The following PCDH15 variants were observed in gnomAD, a reference collection of about 807,000 sequenced individuals.
The protein encoded by PCDH15 is protocadherin related 15.
A neutral mutation model predicts 178.5 loss-of-function variants in PCDH15; 129 were observed. The ratio of observed to expected loss-of-function variants is 0.72; its 90% CI spans 0.63 to 0.84. The LOEUF (loss-of-function observed/expected upper bound fraction) is 0.84. Ranked by LOEUF, PCDH15 falls within the 40% of genes least tolerant of loss-of-function variation. The pLI is 0.00. For synonymous variants in PCDH15, 800 were observed against 732.0 expected (o/e 1.09, Z -1.50); for missense variants, 2,230 against 2,099.9 (o/e 1.06, Z -1.21).
chr10:55,619,059 A>T (rs1460704700), intron 2 of PCDH15, among the ~76,000 whole-genome samples: 1 of 152,048 alleles, frequency 6.6e-6, no homozygotes, highest in Non-Finnish European at 1.5e-5. Flanking sequence ...CTGTACTGTG[A>T]AGGTGAAACT....
At chr10:54,069,681 ATTAG>A (rs558462750) in intron 17 of PCDH15, among the ~76,000 whole-genome samples, 60 of 152,278 alleles carry the variant, frequency 3.9e-4, no homozygotes, top group South Asian at 1.2e-3. Flanking sequence ...ATATTTATAA[ATTAG>A]TTAGGTGTAA....
chr10:55,352,916 T>A (rs1844976989), intron 2 of PCDH15, among the ~76,000 whole-genome samples: 1 of 152,070 alleles, frequency 6.6e-6, no homozygotes, highest in Non-Finnish European at 1.5e-5. Flanking sequence ...AACCATTACA[T>A]CTGAAAGTAT....
At chr10:54,132,771 A>C in intron 15 of PCDH15, 104 bp downstream of exon 15, 1 of 1,522,262 alleles carries the variant, frequency 6.6e-7, no homozygotes, top group Non-Finnish European at 8.9e-7. Flanking sequence ...GGAGGCAAGC[A>C]TGTGAGGTTT....
At chr10:54,181,245 T>G (rs189184118) in intron 13 of PCDH15, among the ~76,000 whole-genome samples, 1 of 152,314 alleles carries the variant, frequency 6.6e-6, no homozygotes, top group African/African-American at 2.4e-5. Flanking sequence ...GTCCATCAAT[T>G]GACTGGAACT....
At chr10:54,586,943 G>C (rs4007216) in intron 2 of PCDH15, among the ~76,000 whole-genome samples, 142,926 of 152,250 alleles carry the variant, frequency 0.94, 67,314 homozygotes, top group Middle Eastern at 0.98. Context: ...CTGTTATTTC[G>C]CAAACACAGA....
chr10:54,492,924 G>A (rs1187994896), intron 3 of PCDH15, among the ~76,000 whole-genome samples: 5 of 152,224 alleles, frequency 3.3e-5, no homozygotes, highest in African/African-American at 9.6e-5. Flanking sequence ...GGCTGGAGAG[G>A]CCTCACAATA....
intron 3 of PCDH15, among the ~76,000 whole-genome samples, chr10:54,829,097 C>A (rs960280926): frequency 7.2e-5 from 11 of 151,974 alleles, no homozygotes; most frequent in African/African-American, 2.4e-4. Flanking sequence ...AGTTTTTGTA[C>A]ACAGCCCTTG....
chr10:55,536,993 G>A (rs190278713), intron 2 of PCDH15, among the ~76,000 whole-genome samples: 77 of 151,470 alleles, frequency 5.1e-4, no homozygotes, highest in Non-Finnish European at 9.4e-4. Context: ...TTTTTTTTCT[G>A]TCCTGTCCTT....
chr10:54,935,405 A>G (rs1837879189), intron 2 of PCDH15, among the ~76,000 whole-genome samples: 1 of 152,124 alleles, frequency 6.6e-6, no homozygotes, highest in Non-Finnish European at 1.5e-5. Flanking sequence ...TTTATCATAT[A>G]TATTTTCCTA....
intron 2 of PCDH15, among the ~76,000 whole-genome samples, chr10:55,535,367 A>T (rs187776806): frequency 6.6e-6 from 1 of 152,170 alleles, no homozygotes; most frequent in African/African-American, 2.4e-5. Flanking sequence ...TTAGATGGAG[A>T]ACAGAATAAG....
At chr10:55,520,350 A>G (rs1463809603) in intron 2 of PCDH15, among the ~76,000 whole-genome samples, 12 of 125,620 alleles carry the variant, frequency 9.6e-5, no homozygotes, top group Non-Finnish European at 1.5e-4. Flanking sequence ...ATATATATAT[A>G]CACATTGTCA....
At chr10:55,369,163 A>G (rs892580809) in intron 2 of PCDH15, among the ~76,000 whole-genome samples, 1 of 152,030 alleles carries the variant, frequency 6.6e-6, no homozygotes, top group East Asian at 1.9e-4. Context: ...TATCAACTAA[A>G]GCAAGTATAG....
At chr10:54,883,828 A>T (rs1279064290) in intron 3 of PCDH15, among the ~76,000 whole-genome samples, 2 of 152,040 alleles carry the variant, frequency 1.3e-5, no homozygotes. Flanking sequence ...CCAGTTTTTC[A>T]TATTCACAAA....
chr10:55,128,058 TAG>T (rs1837947712), intron 2 of PCDH15, among the ~76,000 whole-genome samples: 1 of 151,998 alleles, frequency 6.6e-6, no homozygotes, highest in Non-Finnish European at 1.5e-5. Context: ...AGCTTAGATT[TAG>T]AGAGTGTAGA....
intron 28 of PCDH15, among the ~76,000 whole-genome samples, chr10:53,843,137 C>T (rs2077761919): frequency 6.6e-6 from 1 of 152,116 alleles, no homozygotes; most frequent in African/African-American, 2.4e-5. Flanking sequence ...TCATTTAAAA[C>T]ATGCAATAAT....
At chr10:54,623,395 AC>A (rs1296585624) in intron 2 of PCDH15, among the ~76,000 whole-genome samples, 4 of 152,050 alleles carry the variant, frequency 2.6e-5, no homozygotes, top group African/African-American at 9.7e-5. Context: ...TAATGAAAAG[AC>A]TTTTTTTTAA....
intron 2 of PCDH15, among the ~76,000 whole-genome samples, chr10:55,068,711 A>G (rs1232960168): frequency 6.6e-6 from 1 of 151,102 alleles, no homozygotes; most frequent in African/African-American, 2.4e-5. Context: ...TAATTCTACC[A>G]CTCCAAGACC....
chr10:54,739,093 C>T (rs1429303632), intron 1 of PCDH15, among the ~76,000 whole-genome samples: 1 of 151,666 alleles, frequency 6.6e-6, no homozygotes, highest in African/African-American at 2.4e-5. Context: ...GAATAAAGAA[C>T]ATTGTAAAGG....
intron 21 of PCDH15, among the ~76,000 whole-genome samples, chr10:53,968,114 A>G (rs1822657366): frequency 1.3e-5 from 2 of 152,170 alleles, no homozygotes. Flanking sequence ...AAGGGAAGCC[A>G]TGACAGATGG....
Sources: allele counts gnomAD v4.1 joint callset (sites outside exome capture counted in the v4.1 genomes callset), GRCh38; gene constraint gnomAD v4.1.1; transcripts MANE v1.5; gene names NCBI Gene and HGNC (gene_info 2026-07-23, HGNC 2026-07-21).